WDR70: variants seen among roughly 807,000 people sequenced by gnomAD.
WDR70 encodes WD repeat domain 70.
In WDR70, 53 loss-of-function variants were observed where a neutral mutation model predicts 88.6. That is an observed-to-expected ratio of 0.60 (90% CI 0.48 to 0.75). The LOEUF (loss-of-function observed/expected upper bound fraction) is 0.75. Among genes scored for constraint, WDR70 ranks in the 30% least tolerant of loss-of-function variants. The probability of loss-of-function intolerance (pLI) is 0.00; values close to 1 mark genes in which losing one functional copy is unlikely to be tolerated. For synonymous variants in WDR70, 280 were observed against 270.0 expected (o/e 1.04, Z -0.36); for missense variants, 610 against 823.2 (o/e 0.74, Z 3.17).
chr5:37,637,343 A>ATAAATAAAT (rs1745000271), intron 10 of WDR70, among the ~76,000 whole-genome samples: 1 of 53,986 alleles, frequency 1.9e-5, no homozygotes, highest in Non-Finnish European at 3.4e-5. Flanking sequence ...AATAAATTAA[A>ATAAATAAAT]TAAATAAATA....
chr5:37,441,821 AAAAAC>A (rs1158176541), intron 6 of WDR70, among the ~76,000 whole-genome samples: 1 of 152,104 alleles, frequency 6.6e-6, no homozygotes, highest in Non-Finnish European at 1.5e-5. Context: ...CTGTCTCAAA[AAAAAC>A]AAAACAAAAA....
chr5:37,417,299 G>C (rs1749789686), intron 5 of WDR70, among the ~76,000 whole-genome samples: 1 of 151,742 alleles, frequency 6.6e-6, no homozygotes, highest in Admixed American at 6.6e-5. Flanking sequence ...TCACTACTCA[G>C]CTGCAGCTTT....
At chr5:37,658,950 A>G (rs1394052704) in intron 10 of WDR70, among the ~76,000 whole-genome samples, 2 of 152,194 alleles carry the variant, frequency 1.3e-5, no homozygotes, top group East Asian at 1.9e-4. Context: ...GAGGGCCTGA[A>G]GAAGGGGTCT....
chr5:37,391,217 G>A (rs577126673), intron 3 of WDR70, among the ~76,000 whole-genome samples: 2 of 151,660 alleles, frequency 1.3e-5, no homozygotes, highest in Admixed American at 6.6e-5. Context: ...CAGTAATTTC[G>A]TTCAATTCTT....
chr5:37,676,141 C>T (rs1385382614), intron 10 of WDR70, among the ~76,000 whole-genome samples: 21 of 150,152 alleles, frequency 1.4e-4, no homozygotes, highest in African/African-American at 4.7e-4. Context: ...TGGGCTGAGA[C>T]AATGGGGTTT....
At chr5:37,722,051 T>C (rs538018457) in intron 14 of WDR70, 1 of 152,306 alleles carries the variant, frequency 6.6e-6, no homozygotes, top group Non-Finnish European at 1.5e-5. Context: ...GACAGCCCCA[T>C]CTTCCTTCAG....
At chr5:37,483,768 G>GA (rs1739756068) in intron 8 of WDR70, among the ~76,000 whole-genome samples, 1 of 148,748 alleles carries the variant, frequency 6.7e-6, no homozygotes. Flanking sequence ...CTGGCCGGGC[G>GA]GGGGCTGACC....
chr5:37,704,331 C>T (rs552566439), intron 13 of WDR70, among the ~76,000 whole-genome samples: 5 of 152,270 alleles, frequency 3.3e-5, no homozygotes, highest in African/African-American at 1.2e-4. Context: ...TCTACTATGC[C>T]TCTAAATGAC....
intron 9 of WDR70, among the ~76,000 whole-genome samples, chr5:37,586,842 C>T (rs1339588818): frequency 1.3e-5 from 2 of 152,062 alleles, no homozygotes; most frequent in African/African-American, 2.4e-5. Context: ...CTAATAATTC[C>T]TAATTGTATT....
chr5:37,622,297 C>G (rs1273635657), intron 10 of WDR70, among the ~76,000 whole-genome samples: 1 of 151,896 alleles, frequency 6.6e-6, no homozygotes, highest in East Asian at 1.9e-4. Flanking sequence ...GTTGGTGGGA[C>G]TGTAAACTAG....
intron 5 of WDR70, among the ~76,000 whole-genome samples, chr5:37,398,497 A>G (rs1561837287): frequency 6.6e-6 from 1 of 152,232 alleles, no homozygotes; most frequent in Non-Finnish European, 1.5e-5. Context: ...GCTTTTGTAA[A>G]TCTGTCAATG....
At chr5:37,699,957 A>AAAAAAC (rs1156749479) in intron 11 of WDR70, among the ~76,000 whole-genome samples, 7 of 141,240 alleles carry the variant, frequency 5.0e-5, no homozygotes, top group Non-Finnish European at 9.4e-5. Flanking sequence ...AAAAAAAAAC[A>AAAAAAC]AAAAACAAAA....
At chr5:37,725,574 AC>A (rs1747946444) in intron 16 of WDR70, among the ~76,000 whole-genome samples, 4 of 152,132 alleles carry the variant, frequency 2.6e-5, no homozygotes, top group Admixed American at 2.6e-4. Context: ...TATAGCACGT[AC>A]CTTGACTAGA....
intron 10 of WDR70, among the ~76,000 whole-genome samples, chr5:37,643,822 G>A (rs1486987894): frequency 1.3e-5 from 2 of 151,882 alleles, no homozygotes; most frequent in Non-Finnish European, 2.9e-5. Flanking sequence ...ACTGACTTTT[G>A]TATGTTGATT....
chr5:37,529,015 G>T (rs958849631), intron 9 of WDR70, among the ~76,000 whole-genome samples: 1 of 151,410 alleles, frequency 6.6e-6, no homozygotes, highest in African/African-American at 2.4e-5. Flanking sequence ...GAGAGATGAG[G>T]ATCCAGTTTC....
intron 5 of WDR70, among the ~76,000 whole-genome samples, chr5:37,437,673 A>G (rs1224374651): frequency 2.6e-5 from 4 of 152,174 alleles, no homozygotes; most frequent in African/African-American, 7.2e-5. Context: ...ATAATTTTAT[A>G]GAACCTAATG....
intron 9 of WDR70, among the ~76,000 whole-genome samples, chr5:37,520,065 AG>A (rs1741038298): frequency 6.6e-6 from 1 of 152,192 alleles, no homozygotes; most frequent in Non-Finnish European, 1.5e-5. Flanking sequence ...AGTAGTTCAC[AG>A]GAATGCACTT....
chr5:37,652,589 A>G (rs972015668), intron 10 of WDR70, among the ~76,000 whole-genome samples: 1 of 152,122 alleles, frequency 6.6e-6, no homozygotes, highest in Non-Finnish European at 1.5e-5. Context: ...ATCCTTTTCC[A>G]TTTGTTTATG....
At chr5:37,468,984 T>C (rs148830283) in intron 7 of WDR70, among the ~76,000 whole-genome samples, 2,530 of 152,290 alleles carry the variant, frequency 0.017, 84 homozygotes, top group African/African-American at 0.058. Context: ...CCATGGATAC[T>C]GAGGGCTGAC....
Sources: allele counts gnomAD v4.1 joint callset (sites outside exome capture counted in the v4.1 genomes callset), GRCh38; gene constraint gnomAD v4.1.1; transcripts MANE v1.5; gene names NCBI Gene and HGNC (gene_info 2026-07-23, HGNC 2026-07-21).